The following ULK4 variants were observed in gnomAD, a reference collection of about 807,000 sequenced individuals.
The protein encoded by ULK4 is unc-51 like kinase 4.
Under a neutral mutation model 160.6 loss-of-function variants are expected in ULK4, and 133 were observed. That is an observed-to-expected ratio of 0.83 (90% CI 0.72 to 0.96). The LOEUF (loss-of-function observed/expected upper bound fraction) is 0.96, where lower values mean the gene tolerates loss of function less well. Ranked by LOEUF, ULK4 falls within the 40% of genes least tolerant of loss-of-function variation. ULK4 has a pLI of 0.00. For synonymous variants in ULK4, 534 were observed against 539.8 expected, an observed-to-expected ratio of 0.99 and a Z score of 0.15; for missense variants, 1,580 against 1,499.5, an observed-to-expected ratio of 1.05 and a Z score of -0.89.
chr3:41,517,983 T>C (rs2085808679), intron 32 of ULK4, among the ~76,000 whole-genome samples: 1 of 152,174 alleles, frequency 6.6e-6, no homozygotes, highest in Admixed American at 6.5e-5. Context: ...ATTTGTTGAA[T>C]GAAATTTAAG....
chr3:41,338,723 A>G (rs908042227), intron 35 of ULK4, among the ~76,000 whole-genome samples: 1 of 151,934 alleles, frequency 6.6e-6, no homozygotes, highest in Non-Finnish European at 1.5e-5. Context: ...GTGCACATAT[A>G]TATGTGTGTG....
chr3:41,247,346 C>T (rs572366098), intron 36 of ULK4, among the ~76,000 whole-genome samples: 2 of 152,358 alleles, frequency 1.3e-5, no homozygotes, highest in Admixed American at 6.5e-5. Flanking sequence ...GTCCCAGACC[C>T]ACTCCACACA....
At chr3:41,559,933 G>A (rs2087498006) in intron 32 of ULK4, among the ~76,000 whole-genome samples, 5 of 152,136 alleles carry the variant, frequency 3.3e-5, no homozygotes, top group African/African-American at 1.2e-4. Context: ...TAGTCATGAA[G>A]CCCTTGCCCA....
chr3:41,889,571 CAAT>C (rs1460771289), intron 16 of ULK4, among the ~76,000 whole-genome samples: 1 of 152,056 alleles, frequency 6.6e-6, no homozygotes. Context: ...GGATCAGAAA[CAAT>C]AACAATTGGT....
chr3:41,285,896 C>T (rs968431858), intron 35 of ULK4, among the ~76,000 whole-genome samples: 1 of 152,112 alleles, frequency 6.6e-6, no homozygotes, highest in Admixed American at 6.6e-5. Flanking sequence ...ATATCTAACA[C>T]TTTCTGCATA....
intron 30 of ULK4, among the ~76,000 whole-genome samples, chr3:41,629,540 C>A (rs952209483): frequency 4.6e-5 from 7 of 152,050 alleles, no homozygotes; most frequent in African/African-American, 1.7e-4. Flanking sequence ...TGAAGGCAGT[C>A]CAGATTCAAA....
At chr3:41,762,087 G>GAAAC (rs1241334896) in intron 21 of ULK4, among the ~76,000 whole-genome samples, 1 of 151,880 alleles carries the variant, frequency 6.6e-6, no homozygotes, top group Non-Finnish European at 1.5e-5. Context: ...CTGTCTCAGG[G>GAAAC]AAACAAACAA....
chr3:41,524,584 C>G (rs1370429846), intron 32 of ULK4, among the ~76,000 whole-genome samples: 1 of 152,186 alleles, frequency 6.6e-6, no homozygotes, highest in Non-Finnish European at 1.5e-5. Flanking sequence ...GTATTTAAAA[C>G]TGTCACCAAG....
chr3:41,787,915 C>A (rs2040043035), intron 21 of ULK4, among the ~76,000 whole-genome samples: 1 of 152,058 alleles, frequency 6.6e-6, no homozygotes, highest in Non-Finnish European at 1.5e-5. Flanking sequence ...ATATTTGAAA[C>A]TTAATCAATC....
intron 27 of ULK4, among the ~76,000 whole-genome samples, chr3:41,693,752 T>C (rs971422722): frequency 1.3e-5 from 2 of 152,198 alleles, no homozygotes; most frequent in African/African-American, 4.8e-5. Context: ...CTGCTCTGAA[T>C]ATATCTTTTT....
chr3:41,416,627 C>A (rs2082532455), intron 34 of ULK4, among the ~76,000 whole-genome samples: 1 of 151,962 alleles, frequency 6.6e-6, no homozygotes, highest in Admixed American at 6.6e-5. Context: ...TACTATAGTG[C>A]TGGCAGGAAA....
chr3:41,932,544 A>C (rs530188178), intron 4 of ULK4, among the ~76,000 whole-genome samples: 1 of 152,344 alleles, frequency 6.6e-6, no homozygotes, highest in South Asian at 2.1e-4. Context: ...AGACTGCTGT[A>C]AGGATTAATC....
intron 7 of ULK4, among the ~76,000 whole-genome samples, chr3:41,917,902 G>T (rs1204179281): frequency 1.3e-5 from 2 of 152,066 alleles, no homozygotes; most frequent in African/African-American, 4.8e-5. Context: ...CAGGAGAACT[G>T]CTTGAACCCG....
chr3:41,705,083 T>A lies in ULK4; in HGVS notation c.2755A>T (p.Ile919Phe), dbSNP rs2036824863. 6.2e-7 allele frequency: 1 copy of A among 1,613,278 alleles called. No homozygotes were observed. Among genetic ancestry groups the A allele is most frequent in the East Asian group, 2.2e-5 (1 of 44,848 alleles). ...GTGGAGCGATAGTCTTTCAATAAAA[T>A]AGGATACTGTATTATTGCTTCAAAA... Reference protein sequence around the residue: ...SAFEAIIQYPILLKDYRSTVV... With the variant: ...SAFEAIIQYPFLLKDYRSTVV... Residue 919 changes from isoleucine (I) to phenylalanine (F), a missense_variant, in exon 27 of 37, where the codon ATT (isoleucine) becomes TTT (phenylalanine). Physicochemically the swap from Ile to Phe is conservative, Grantham distance 21. Transcript: ENST00000301831.
At chr3:41,832,406 T>C (rs747485038) in intron 18 of ULK4, among the ~76,000 whole-genome samples, 3 of 152,196 alleles carry the variant, frequency 2.0e-5, no homozygotes, top group Non-Finnish European at 4.4e-5. Context: ...CTCTTGTAAA[T>C]TTGTTTAAGT....
At chr3:41,305,502 G>A (rs2079891965) in intron 35 of ULK4, among the ~76,000 whole-genome samples, 1 of 152,346 alleles carries the variant, frequency 6.6e-6, no homozygotes, top group Non-Finnish European at 1.5e-5. Context: ...GATTGCAGAC[G>A]GAGTCTCGTT....
intron 34 of ULK4, among the ~76,000 whole-genome samples, chr3:41,426,470 T>A (rs1180321143): frequency 6.6e-6 from 1 of 152,180 alleles, no homozygotes; most frequent in Non-Finnish European, 1.5e-5. Context: ...GAATATATAA[T>A]CTTCTTGGTG....
chr3:41,376,859 A>G (rs1241855624), intron 35 of ULK4, among the ~76,000 whole-genome samples: 1 of 149,948 alleles, frequency 6.7e-6, no homozygotes, highest in African/African-American at 2.5e-5. Flanking sequence ...TTCTTCACAG[A>G]ATTGGAAAAA....
At chr3:41,911,752 T>C (rs1698794211) in intron 9 of ULK4, 93 bp from the exon 10 acceptor site, 2 of 936,884 alleles carry the variant, frequency 2.1e-6, no homozygotes, top group Admixed American at 2.1e-5. Context: ...GATAATTAAA[T>C]TACACATGAC....
Sources: allele counts gnomAD v4.1 joint callset (sites outside exome capture counted in the v4.1 genomes callset), GRCh38; gene constraint gnomAD v4.1.1; transcripts MANE v1.5; gene names NCBI Gene and HGNC (gene_info 2026-07-23, HGNC 2026-07-21).